The following AJM1 variants were observed in gnomAD, a reference collection of about 807,000 sequenced individuals.
AJM1 encodes the protein apical junction component 1 homolog.
A neutral mutation model predicts 43.0 loss-of-function variants in AJM1; 22 were observed. That is an observed-to-expected ratio of 0.51 (90% confidence interval 0.37 to 0.73). The LOEUF (loss-of-function observed/expected upper bound fraction) is 0.73, where lower values mean the gene tolerates loss of function less well. AJM1 is among the 30% of genes least tolerant of loss of function. The pLI, the probability that AJM1 is intolerant of heterozygous loss-of-function variation, is 0.00. For synonymous variants in AJM1, 719 were observed against 638.3 expected (o/e 1.13, Z -1.91); for missense variants, 1,305 against 1,343.3 (o/e 0.97, Z 0.45).
Position 136,847,073 on chromosome 9 carries a change from G to T in AJM1, c.2659G>T (p.Asp887Tyr), listed in dbSNP as rs1022008966. Residue 887 changes from aspartate (D) to tyrosine (Y), a missense_variant, in exon 3 of 3, where the codon GAC becomes TAC. By Grantham distance (160) the Asp-to-Tyr change is radical. Around this residue, in one of 6 missense-constraint regions of AJM1, gnomAD observed 391 missense variants for 507.5 expected, o/e 0.77. Coordinates refer to ENST00000436881, the MANE Select transcript of AJM1 (RefSeq NM_001080482.5). ...GCCGGGCACGGCGGGCCTGGATCAG[G>T]ACGGCGAGGCGGGCCGGCGCGCGCG... ...PPPGTAGLDQ[D>Y]GEAGRRAREV... The T allele has an allele frequency of 2.1e-6, 3 of 1,461,354 alleles. No individual in the cohort carries two copies. Among genetic ancestry groups the T allele is most frequent in the African/African-American group, 1.5e-5 (1 of 68,670 alleles). 90.5% of individuals were successfully genotyped at this position (1,461,354 alleles called of 1,614,324 possible). A position where few individuals can be genotyped will look rare whatever the true frequency, so the allele number is the denominator to read the frequency against.
In AJM1 at chr9:136,845,820, A is replaced by C. The variant is rs773294771; in HGVS notation, c.1406A>C (p.Tyr469Ser). The change falls in exon 3 of 3, where the codon TAC (tyrosine) becomes TCC (serine). Residue 469 changes from tyrosine to serine, a missense_variant. Physicochemically the swap from Tyr to Ser is moderately radical, Grantham distance 144. Around this residue, in one of 6 missense-constraint regions of AJM1, gnomAD observed 653 missense variants for 549.1 expected, o/e 1.19. Transcript: ENST00000436881. ...GACCCGTTGGGCCGCGGCCGCAGCTACGAGAACCTGCTGGGGCGCGAGGTG... is the reference window on the plus strand; with the variant it reads ...GACCCGTTGGGCCGCGGCCGCAGCTCCGAGAACCTGCTGGGGCGCGAGGTG... ...REDPLGRGRS[Y>S]ENLLGREVRE... The C allele has an allele frequency of 1.9e-5, 29 of 1,565,948 alleles. No homozygotes were observed. Among genetic ancestry groups the C allele is most frequent in the Non-Finnish European group, 2.0e-5 (23 of 1,160,218 alleles).
rs766566452 is a variant in AJM1 at position 136,845,045 on chromosome 9, G to A, written c.631G>A (p.Glu211Lys). The change falls in exon 3 of 3, where the codon GAG becomes AAG. Residue 211 changes from glutamate to lysine, a missense_variant. Glu to Lys is a moderately conservative substitution (Grantham distance 56, BLOSUM62 1). Coordinates refer to ENST00000436881, the MANE Select transcript of AJM1 (RefSeq NM_001080482.5). ...TRGSRSCGPT[E>K]AAHWARPAPQ... ...GGGCTCGCGGTCCTGCGGGCCCACC[G>A]AGGCCGCGCACTGGGCCCGCCCCGC... 3 of 820,978 alleles carry A rather than the reference G, an allele frequency of 3.7e-6. No individual in the cohort carries two copies. The highest frequency in any genetic ancestry group is 2.3e-5 in the Admixed American group (1 of 42,576). 50.9% of individuals were successfully genotyped at this position (820,978 alleles called of 1,614,324 possible).
At position 136,846,529 on chromosome 9, in the gene AJM1, C is replaced by T. The variant is rs1403107288; in HGVS notation, c.2115C>T (p.Ala705=). 1 of 1,595,690 alleles carries T rather than the reference C, an allele frequency of 6.3e-7. No homozygotes were observed. Among genetic ancestry groups the T allele is most frequent in the Admixed American group, 1.7e-5 (1 of 59,972 alleles). ...SRLCRREDWD[A]HKARCVYGRV... ...TGTGCCGCCGCGAGGACTGGGACGCCCACAAGGCGCGCTGCGTGTACGGCC... is the reference window on the plus strand; with the variant it reads ...TGTGCCGCCGCGAGGACTGGGACGCTCACAAGGCGCGCTGCGTGTACGGCC... The change falls in exon 3 of 3, where the codon GCC becomes GCT. Residue 705 remains alanine, a synonymous_variant. Transcript: ENST00000436881.
Position 136,846,047 on chromosome 9 carries a change from C to A in AJM1, c.1633C>A (p.Arg545Ser), listed in dbSNP as rs1462956386. 6.5e-7 allele frequency: 1 copy of A among 1,540,890 alleles called. No individual in the cohort carries two copies. Among genetic ancestry groups the A allele is most frequent in the South Asian group, 1.2e-5 (1 of 83,798 alleles). ...ITDNDLRATE[R>S]PSARAWELPG... ...TGACAATGACCTGCGCGCCACCGAG[C>A]GCCCGAGCGCCAGGGCCTGGGAGTT... Residue 545 changes from arginine (R) to serine (S), a missense_variant, in exon 3 of 3, where the codon CGC becomes AGC. By Grantham distance (110) the Arg-to-Ser change is moderately radical (BLOSUM62 -1). This residue lies in a region of AJM1 where 653 missense variants were observed against 549.1 expected (regional missense o/e 1.19). Coordinates refer to ENST00000436881, the MANE Select transcript of AJM1 (RefSeq NM_001080482.5).
chr9:136,844,659 C>T lies in AJM1; in HGVS notation c.245C>T (p.Thr82Ile). ...PPESAVPRARTREAEPRRRAR... is the reference protein window; with the variant it reads ...PPESAVPRARIREAEPRRRAR... ...GAGTCCGCTGTGCCGCGCGCCCGGA[C>T]CCGCGAAGCCGAGCCACGCCGCCGC... is the stretch of plus-strand genomic sequence containing the variant. The change falls in exon 3 of 3, where the codon ACC becomes ATC. Residue 82 changes from threonine to isoleucine, a missense_variant. Thr to Ile is a moderately conservative substitution (Grantham distance 89, BLOSUM62 -1). Transcript: ENST00000436881. 1 of 1,471,416 alleles carries T rather than the reference C, an allele frequency of 6.8e-7. No individual in the cohort carries two copies. Among genetic ancestry groups the T allele is most frequent in the South Asian group, 1.3e-5 (1 of 77,172 alleles). 91.1% of individuals were successfully genotyped at this position (1,471,416 alleles called of 1,614,324 possible).
chr9:136,842,998 G>T (rs898162409), intron 1 of AJM1, among the ~76,000 whole-genome samples: 1 of 148,478 alleles, frequency 6.7e-6, no homozygotes, highest in Non-Finnish European at 1.5e-5. Flanking sequence ...GTGGGGTGGA[G>T]GGGGGAGATG....
rs749956494 is a variant in AJM1 at position 136,845,176 on chromosome 9, C to T, written c.762C>T (p.Cys254=). The change falls in exon 3 of 3, where the codon TGC becomes TGT. Residue 254 remains cysteine (C), a synonymous_variant. Coordinates refer to ENST00000436881, the MANE Select transcript of AJM1 (RefSeq NM_001080482.5). ...SYCADPRAFY[C]DGPLPGPRDY... ...GTGCGGATCCCCGGGCGTTCTACTG[C>T]GACGGGCCCCTGCCTGGGCCCCGGG... 1.3e-6 allele frequency: 2 copies of T among 1,587,522 alleles called. No individual in the cohort carries two copies. The highest frequency in any genetic ancestry group is 4.5e-5 in the East Asian group (2 of 44,256).
In AJM1 at chr9:136,846,338, C is replaced by T; in HGVS notation, c.1924C>T (p.Pro642Ser). 2 of 1,315,182 alleles carry T rather than the reference C, an allele frequency of 1.5e-6. No homozygotes were observed. Among genetic ancestry groups the T allele is most frequent in the Non-Finnish European group, 1.9e-6 (2 of 1,026,804 alleles). 81.5% of individuals were successfully genotyped at this position (1,315,182 alleles called of 1,614,324 possible). A position where few individuals can be genotyped will look rare whatever the true frequency, so the allele number is the denominator to read the frequency against. ...PPASAGSAEE[P>S]AAPGEAADAS... ...CGCCTCGGCCGGCAGCGCCGAGGAG[C>T]CCGCGGCCCCGGGAGAGGCGGCCGA... Residue 642 changes from proline (P) to serine (S), a missense_variant, in exon 3 of 3, where the codon CCC (proline) becomes TCC (serine). Physicochemically the swap from Pro to Ser is moderately conservative, Grantham distance 74 (BLOSUM62 -1). Coordinates refer to ENST00000436881, the MANE Select transcript of AJM1 (RefSeq NM_001080482.5).
At position 136,846,547 on chromosome 9, in the gene AJM1, GT is replaced by G. The variant is rs1848777821; in HGVS notation, c.2134del (p.Tyr712ThrfsTer139). The G allele has an allele frequency of 1.3e-6, 2 of 1,594,090 alleles. No homozygotes were observed. The highest frequency in any genetic ancestry group is 1.7e-6 in the Non-Finnish European group (2 of 1,177,876). On this transcript the variant is annotated frameshift_variant, in exon 3 of 3. Transcript: ENST00000436881. LOFTEE classifies it high-confidence loss of function. Reference sequence around the variant, plus strand: ...GGGACGCCCACAAGGCGCGCTGCGTGTACGGCCGCGTGGGCAGCGTGTGCCG... The same window carrying G: ...GGGACGCCCACAAGGCGCGCTGCGTGACGGCCGCGTGGGCAGCGTGTGCCG... ...DWDAHKARCV[Y>X]GRVGSVCRHV...
rs1350895777 is a variant in AJM1, at chr9:136,846,344, G to T, written c.1930G>T (p.Ala644Ser). The T allele has an allele frequency of 1.5e-6, 2 of 1,362,974 alleles. No individual in the cohort carries two copies. Among genetic ancestry groups the T allele is most frequent in the Non-Finnish European group, 1.9e-6 (2 of 1,055,154 alleles). 84.4% of individuals were successfully genotyped at this position (1,362,974 alleles called of 1,614,324 possible). ...ASAGSAEEPA[A>S]PGEAADASPE... ...GGCCGGCAGCGCCGAGGAGCCCGCG[G>T]CCCCGGGAGAGGCGGCCGACGCGTC... Residue 644 changes from alanine to serine, a missense_variant, in exon 3 of 3, where the codon GCC (alanine) becomes TCC (serine). Ala to Ser is a moderately conservative substitution (Grantham distance 99). Coordinates refer to ENST00000436881, the MANE Select transcript of AJM1 (RefSeq NM_001080482.5).
Position 136,845,381 on chromosome 9 carries a change from A to G in AJM1, c.967A>G (p.Met323Val), listed in dbSNP as rs1371473918. ...GCTCTCGGGGCCCAGTCCAAGGCGC[A>G]TGGGCGGCTACTACGCAGGAGAGGT... The part of the protein sequence containing the change: ...EELSGPSPRR[M>V]GGYYAGEVRT... The change falls in exon 3 of 3, where the codon ATG becomes GTG. Residue 323 changes from methionine (M) to valine (V), a missense_variant. Met to Val is a conservative substitution (Grantham distance 21). This residue lies in a region of AJM1 where 653 missense variants were observed against 549.1 expected (regional missense o/e 1.19). Coordinates refer to ENST00000436881, the MANE Select transcript of AJM1 (RefSeq NM_001080482.5). 1.2e-6 allele frequency: 2 copies of G among 1,612,286 alleles called. No individual in the cohort carries two copies. The highest frequency in any genetic ancestry group is 2.2e-5 in the South Asian group (2 of 91,064).
Position 136,845,416 on chromosome 9 carries a change from C to G in AJM1, c.1002C>G (p.Phe334Leu). The part of the protein sequence containing the change: ...GGYYAGEVRT[F>L]PIQEPPSRSY... ...ACTACGCAGGAGAGGTGCGCACCTT[C>G]CCAATCCAGGAACCGCCCTCCCGCT... Residue 334 changes from phenylalanine to leucine, a missense_variant, in exon 3 of 3, where the codon TTC becomes TTG. This residue lies in a region of AJM1 where 653 missense variants were observed against 549.1 expected (regional missense o/e 1.19). Transcript: ENST00000436881. 1 of 1,612,428 alleles carries G rather than the reference C, an allele frequency of 6.2e-7. No homozygotes were observed. The highest frequency in any genetic ancestry group is 8.5e-7 in the Non-Finnish European group (1 of 1,179,798).
chr9:136,848,378 C>T lies in AJM1; in HGVS notation c.*1033C>T, dbSNP rs1278708229. 5 of 152,384 alleles carry T rather than the reference C, an allele frequency of 3.3e-5. No homozygotes were observed. The highest frequency in any genetic ancestry group is 7.3e-5 in the Non-Finnish European group (5 of 68,162). The allele number at this position is 152,384 out of a possible 1,614,324, so 9.4% of individuals were successfully genotyped here. A position where few individuals can be genotyped will look rare whatever the true frequency, so the allele number is the denominator to read the frequency against. On this transcript the variant is annotated 3_prime_UTR_variant, in exon 3 of 3. Coordinates refer to ENST00000436881, the MANE Select transcript of AJM1 (RefSeq NM_001080482.5). ...CCGCACACCCGCTCTGGCCGCACGCCGTACTGCGGGCGTGGAGGCGCAAGC... is the reference window on the plus strand; with the variant it reads ...CCGCACACCCGCTCTGGCCGCACGCTGTACTGCGGGCGTGGAGGCGCAAGC...
Position 136,846,417 on chromosome 9 carries a change from C to T in AJM1, c.2003C>T (p.Ala668Val). ...GACGACCTGATGACCTGCTCCAATG[C>T]GCGCTGCCGGCGCACCGAGACCATG... ...DEDDLMTCSNARCRRTETMFN... is the reference protein window; with the variant it reads ...DEDDLMTCSNVRCRRTETMFN... The change falls in exon 3 of 3, where the codon GCG becomes GTG. Residue 668 changes from alanine to valine, a missense_variant. Ala to Val is a moderately conservative substitution (Grantham distance 64). Coordinates refer to ENST00000436881, the MANE Select transcript of AJM1 (RefSeq NM_001080482.5). The T allele has an allele frequency of 2.5e-6, 4 of 1,590,734 alleles. No individual in the cohort carries two copies. The South Asian group carries it at 4.4e-5, about 18-fold the overall frequency.
At position 136,846,192 on chromosome 9, in the gene AJM1, C is replaced by A; in HGVS notation, c.1778C>A (p.Pro593His). ...LITDLVIDSR[P>H]TAGQASEPAA... is the part of the protein sequence containing the mutation. ...ACGGACCTGGTCATCGACTCGCGAC[C>A]CACCGCCGGCCAGGCCTCAGAGCCC... Residue 593 changes from proline (P) to histidine (H), a missense_variant, in exon 3 of 3, where the codon CCC becomes CAC. Pro to His is a moderately conservative substitution (Grantham distance 77). Coordinates refer to ENST00000436881, the MANE Select transcript of AJM1 (RefSeq NM_001080482.5). 6.6e-7 allele frequency: 1 copy of A among 1,509,722 alleles called. No homozygotes were observed. The allele number at this position is 1,509,722 out of a possible 1,614,324, so 93.5% of individuals were successfully genotyped here.
At position 136,846,631 on chromosome 9, in the gene AJM1, C is replaced by T. The variant is rs887167830; in HGVS notation, c.2217C>T (p.Ile739=). 1.9e-6 allele frequency: 3 copies of T among 1,596,294 alleles called. No individual in the cohort carries two copies. Among genetic ancestry groups the T allele is most frequent in the Non-Finnish European group, 2.5e-6 (3 of 1,176,974 alleles). Residue 739 remains isoleucine, a synonymous_variant, in exon 3 of 3, where the codon ATC becomes ATT. Coordinates refer to ENST00000436881, the MANE Select transcript of AJM1 (RefSeq NM_001080482.5). ...SGPVHRAFSR[I]ARVGFLSRGR... is the part of the protein sequence containing the mutation. The stretch of plus-strand genomic sequence containing the variant: ...CGGTGCACCGCGCTTTCTCGCGCAT[C>T]GCGCGTGTCGGCTTCCTGTCGCGCG...
rs1274692299 is a variant in AJM1 at position 136,847,932 on chromosome 9, T to C, written c.*587T>C. 1.3e-5 allele frequency: 2 copies of C among 152,402 alleles called. No homozygotes were observed. Among genetic ancestry groups the C allele is most frequent in the African/African-American group, 2.4e-5 (1 of 41,474 alleles). 9.4% of individuals were successfully genotyped at this position (152,402 alleles called of 1,614,324 possible). A position where few individuals can be genotyped will look rare whatever the true frequency, so the allele number is the denominator to read the frequency against. ...GTTGCCTCCTCGCTGGAGAACACCCTGGTCGACCTCTGTGCGTCCGTGTGC... is the reference window on the plus strand; with the variant it reads ...GTTGCCTCCTCGCTGGAGAACACCCCGGTCGACCTCTGTGCGTCCGTGTGC... On this transcript the variant is annotated 3_prime_UTR_variant, in exon 3 of 3. Transcript: ENST00000436881.
Position 136,846,343 on chromosome 9 carries a change from G to A in AJM1, c.1929G>A (p.Ala643=), listed in dbSNP as rs1316507981. 1 of 1,326,006 alleles carries A rather than the reference G, an allele frequency of 7.5e-7. No homozygotes were observed. The highest frequency in any genetic ancestry group is 9.7e-7 in the Non-Finnish European group (1 of 1,034,720). The allele number at this position is 1,326,006 out of a possible 1,614,324, so 82.1% of individuals were successfully genotyped here. Reference sequence around the variant, plus strand: ...CGGCCGGCAGCGCCGAGGAGCCCGCGGCCCCGGGAGAGGCGGCCGACGCGT... The same window carrying A: ...CGGCCGGCAGCGCCGAGGAGCCCGCAGCCCCGGGAGAGGCGGCCGACGCGT... ...PASAGSAEEP[A]APGEAADASP... Residue 643 remains alanine, a synonymous_variant, in exon 3 of 3, where the codon GCG becomes GCA. Transcript: ENST00000436881.
At position 136,844,273 on chromosome 9, in the gene AJM1, G is replaced by C. The variant is rs1386360192; in HGVS notation, c.-66G>C. 5 of 700,790 alleles carry C rather than the reference G, an allele frequency of 7.1e-6. No homozygotes were observed. Among genetic ancestry groups the C allele is most frequent in the Non-Finnish European group, 1.2e-5 (5 of 410,776 alleles). 43.4% of individuals were successfully genotyped at this position (700,790 alleles called of 1,614,324 possible). A position where few individuals can be genotyped will look rare whatever the true frequency, so the allele number is the denominator to read the frequency against. The stretch of plus-strand genomic sequence containing the variant: ...CAGCCAGGGCTGCTCCGCCCGCTGC[G>C]CCCCAGGTAAGCCGGGCCAGCGTGG... On this transcript the variant is annotated 5_prime_UTR_variant, in exon 2 of 3. Transcript: ENST00000436881.
Sources: allele counts gnomAD v4.1 joint callset (sites outside exome capture counted in the v4.1 genomes callset), GRCh38; gene constraint gnomAD v4.1.1; regional missense constraint gnomAD v4.1.1; transcripts MANE v1.5; gene names NCBI Gene and HGNC (gene_info 2026-07-23, HGNC 2026-07-21).